The following KIAA1217 variants were observed in gnomAD, a reference collection of about 807,000 sequenced individuals.
The protein encoded by KIAA1217 is sickle tail protein homolog.
A neutral mutation model predicts 163.9 loss-of-function variants in KIAA1217; 88 were observed. The ratio of observed to expected loss-of-function variants is 0.54; its 90% CI spans 0.45 to 0.64. The LOEUF (loss-of-function observed/expected upper bound fraction) is 0.64, where lower values mean the gene tolerates loss of function less well. KIAA1217 is among the 30% of genes least tolerant of loss of function. The pLI is 0.00. For synonymous variants in KIAA1217, 903 were observed against 923.1 expected (o/e 0.98, Z 0.39); for missense variants, 2,372 against 2,475.0 (o/e 0.96, Z 0.88).
intron 1 of KIAA1217, among the ~76,000 whole-genome samples, chr10:23,960,429 G>C (rs1157542629): frequency 6.6e-6 from 1 of 151,992 alleles, no homozygotes; most frequent in East Asian, 2.0e-4. Context: ...GGCTAATTTT[G>C]TATTTTTAGT....
chr10:24,501,942 G>T (rs1228914712), intron 9 of KIAA1217, among the ~76,000 whole-genome samples: 2 of 151,616 alleles, frequency 1.3e-5, no homozygotes, highest in Non-Finnish European at 2.9e-5. Flanking sequence ...GTAGAGACGG[G>T]GTTTCACCGT....
At chr10:24,024,810 G>A (rs754097364) in intron 2 of KIAA1217, among the ~76,000 whole-genome samples, 1 of 151,494 alleles carries the variant, frequency 6.6e-6, no homozygotes, top group Non-Finnish European at 1.5e-5. Context: ...CTTTTCATGT[G>A]CTTATTTACA....
At chr10:23,943,191 G>T (rs1212442543) in intron 1 of KIAA1217, among the ~76,000 whole-genome samples, 1 of 151,880 alleles carries the variant, frequency 6.6e-6, no homozygotes, top group Non-Finnish European at 1.5e-5. Context: ...AATAAGAGAA[G>T]GGAAAATAAA....
intron 5 of KIAA1217, among the ~76,000 whole-genome samples, chr10:24,457,390 G>A (rs996375793): frequency 8.0e-4 from 121 of 151,212 alleles, no homozygotes; most frequent in African/African-American, 2.9e-3. Flanking sequence ...CGGGGTTTGG[G>A]GGGAACAGGA....
chr10:23,726,517 C>G (rs139240785), intron 1 of KIAA1217, among the ~76,000 whole-genome samples: 2,018 of 152,020 alleles, frequency 0.013, 42 homozygotes, highest in African/African-American at 0.043. Flanking sequence ...TCTAAAACAC[C>G]AAACACAATG....
chr10:24,514,893 G>A (rs570017755), intron 10 of KIAA1217, among the ~76,000 whole-genome samples: 179 of 152,026 alleles, frequency 1.2e-3, no homozygotes, highest in South Asian at 5.8e-3. Flanking sequence ...TCAGGAGGCT[G>A]AGGCAAGAGA....
chr10:24,245,471 G>A (rs2073681530), intron 2 of KIAA1217, among the ~76,000 whole-genome samples: 1 of 152,168 alleles, frequency 6.6e-6, no homozygotes, highest in African/African-American at 2.4e-5. Context: ...TTGCCACTCA[G>A]AAGCAAATGG....
intron 2 of KIAA1217, among the ~76,000 whole-genome samples, chr10:24,347,915 C>T (rs534612169): frequency 2.0e-5 from 3 of 152,264 alleles, no homozygotes; most frequent in African/African-American, 4.8e-5. Flanking sequence ...CACATGGTTA[C>T]CATCCTTTGA....
At chr10:23,846,960 G>C (rs936299389) in intron 1 of KIAA1217, among the ~76,000 whole-genome samples, 1 of 151,478 alleles carries the variant, frequency 6.6e-6, no homozygotes, top group South Asian at 2.1e-4. Context: ...GTTGAATTTT[G>C]TCAAAGGCCT....
At chr10:24,177,817 G>A (rs766989400) in intron 2 of KIAA1217, among the ~76,000 whole-genome samples, 9 of 152,114 alleles carry the variant, frequency 5.9e-5, no homozygotes, top group Non-Finnish European at 1.0e-4. Context: ...AAAATGCCCT[G>A]TAAAAAACAA....
intron 2 of KIAA1217, among the ~76,000 whole-genome samples, chr10:24,278,282 G>A (rs180698078): frequency 1.8e-4 from 27 of 152,248 alleles, no homozygotes; most frequent in East Asian, 5.8e-4. Flanking sequence ...CTGTGAGGCC[G>A]GAAACCTAGA....
intron 1 of KIAA1217, among the ~76,000 whole-genome samples, chr10:23,784,623 GTA>G (rs1835409008): frequency 6.6e-6 from 1 of 151,882 alleles, no homozygotes; most frequent in Non-Finnish European, 1.5e-5. Context: ...TGTGCATTTA[GTA>G]TATGTTTTGC....
chr10:24,483,728 A>G (rs532093236), intron 6 of KIAA1217, among the ~76,000 whole-genome samples: 21 of 152,222 alleles, frequency 1.4e-4, no homozygotes, highest in South Asian at 4.1e-4. Flanking sequence ...CAGCTGGCCC[A>G]TAACATGAAG....
intron 3 of KIAA1217, among the ~76,000 whole-genome samples, chr10:24,382,942 C>G (rs10828646): frequency 0.54 from 81,248 of 150,294 alleles, 25,581 homozygotes; most frequent in African/African-American, 0.88. Context: ...CGACTTCCCA[C>G]GTTCAAGGGA....
Position 24,528,044 on chromosome 10 carries a change from C to T in KIAA1217, c.3007C>T (p.Pro1003Ser), listed in dbSNP as rs373172605. The stretch of plus-strand genomic sequence containing the variant: ...TCAGGCCAATATCATGAAGTCAATA[C>T]CAAATCTGGAGATGCCGCCAGCCAC... The part of the protein sequence containing the change: ...EAQANIMKSI[P>S]NLEMPPATGP... The change falls in exon 14 of 21, where the codon CCA becomes TCA. Residue 1003 changes from proline to serine, a missense_variant. Coordinates refer to ENST00000376454, the MANE Select transcript of KIAA1217 (RefSeq NM_019590.5). 3.1e-6 allele frequency: 5 copies of T among 1,614,030 alleles called. No homozygotes were observed. The highest frequency in any genetic ancestry group is 4.2e-6 in the Non-Finnish European group (5 of 1,180,032).
chr10:23,779,429 A>C (rs1267912975), intron 1 of KIAA1217, among the ~76,000 whole-genome samples: 1 of 152,132 alleles, frequency 6.6e-6, no homozygotes, highest in Non-Finnish European at 1.5e-5. Flanking sequence ...AGCTATTATA[A>C]ATAGCCTCCA....
intron 1 of KIAA1217, among the ~76,000 whole-genome samples, chr10:23,818,038 C>CAT (rs540574659): frequency 0.052 from 3,189 of 61,410 alleles, 259 homozygotes; most frequent in African/African-American, 0.17. Context: ...CATATATATA[C>CAT]ATATATATAC....
chr10:23,992,877 C>T (rs1326572383), intron 1 of KIAA1217, among the ~76,000 whole-genome samples: 2 of 151,658 alleles, frequency 1.3e-5, no homozygotes, highest in Non-Finnish European at 2.9e-5. Flanking sequence ...GAAAGGCCAC[C>T]CTTAACCAGC....
At chr10:24,088,256 C>CATATACATATATATAT (rs1554861323) in intron 2 of KIAA1217, among the ~76,000 whole-genome samples, 2 of 95,850 alleles carry the variant, frequency 2.1e-5, no homozygotes, top group African/African-American at 6.7e-5. Flanking sequence ...TTTTAATATA[C>CATATACATATATATAT]ATATATATAT....
Sources: gnomAD v4.1 joint callset for allele counts (sites outside exome capture counted in the v4.1 genomes callset) on GRCh38, gnomAD v4.1.1 for gene constraint, MANE v1.5 for transcripts, NCBI Gene and HGNC (gene_info 2026-07-23, HGNC 2026-07-21) for gene names.